BBS9: variants seen among roughly 807,000 people sequenced by gnomAD.
BBS9 encodes the protein Bardet-Biedl syndrome 9.
In BBS9, 89 loss-of-function variants were observed where a neutral mutation model predicts 117.7. The ratio of observed to expected loss-of-function variants is 0.76; its 90% CI spans 0.64 to 0.90. The LOEUF is 0.90. BBS9 is among the 40% of genes least tolerant of loss of function. BBS9 has a pLI of 0.00. For synonymous variants in BBS9, 379 were observed against 370.9 expected (o/e 1.02, Z -0.25); for missense variants, 982 against 1,042.2 (o/e 0.94, Z 0.80).
chr7:33,530,375 C>T (rs893693051), intron 20 of BBS9, among the ~76,000 whole-genome samples: 4 of 152,218 alleles, frequency 2.6e-5, no homozygotes, highest in Non-Finnish European at 4.4e-5. Context: ...AACTAAATGT[C>T]ATATCTACTT....
chr7:33,169,537 T>C (rs1480185061), intron 4 of BBS9, among the ~76,000 whole-genome samples: 2 of 150,266 alleles, frequency 1.3e-5, no homozygotes, highest in Admixed American at 6.6e-5. Context: ...ATTGTGGTTT[T>C]GATTTGCATT....
intron 20 of BBS9, among the ~76,000 whole-genome samples, chr7:33,515,795 TCA>T (rs1342625734): frequency 6.6e-6 from 1 of 152,232 alleles, no homozygotes; most frequent in Non-Finnish European, 1.5e-5. Context: ...TTTTCTTGTC[TCA>T]CATCCTGGAA....
At chr7:33,241,355 AT>A (rs1794498756) in intron 5 of BBS9, among the ~76,000 whole-genome samples, 1 of 152,122 alleles carries the variant, frequency 6.6e-6, no homozygotes, top group African/African-American at 2.4e-5. Context: ...CTTTTGAGAC[AT>A]TCTCTGTGCT....
At chr7:33,473,330 C>T (rs1313708764) in intron 19 of BBS9, among the ~76,000 whole-genome samples, 2 of 142,844 alleles carry the variant, frequency 1.4e-5, no homozygotes, top group Admixed American at 7.0e-5. Flanking sequence ...CACCCCCTCA[C>T]CCCCCCGCCC....
rs746285057 is a variant in BBS9, at chr7:33,165,873, C to T, written c.328+10171C>T. ...ACTCATTCTCCGTCAAGCTTTGTTC[C>T]GTTGCTGGCAAGGAGCTGCAATCCT... On this transcript the variant is annotated intron_variant, in intron 4 of 22. Coordinates refer to ENST00000242067, the MANE Select transcript of BBS9 (RefSeq NM_198428.3). 4.4e-4 allele frequency among the ~76,000 whole-genome samples: 67 copies of T among 152,216 alleles called. 1 individual carries two copies. Among genetic ancestry groups the T allele is most frequent in the Middle Eastern group, 3.4e-3 (1 of 294 alleles).
chr7:33,226,265 T>A (rs1469210464), intron 5 of BBS9, among the ~76,000 whole-genome samples: 3 of 152,202 alleles, frequency 2.0e-5, no homozygotes, highest in African/African-American at 7.2e-5. Flanking sequence ...CTATTAACAT[T>A]GGAGATGATT....
At chr7:33,178,778 G>GTT (rs879471511) in intron 5 of BBS9, among the ~76,000 whole-genome samples, 1 of 146,006 alleles carries the variant, frequency 6.8e-6, no homozygotes. Context: ...TGTGAACTCA[G>GTT]TTTTTTTTTT....
chr7:33,495,134 A>C (rs945661627), intron 19 of BBS9, among the ~76,000 whole-genome samples: 1 of 152,158 alleles, frequency 6.6e-6, no homozygotes, highest in Admixed American at 6.6e-5. Context: ...CAACAATTTC[A>C]CTCTATTGTG....
intron 16 of BBS9, among the ~76,000 whole-genome samples, 183 bp from the exon 17 acceptor site, chr7:33,367,583 AG>A (rs1237078995): frequency 6.6e-5 from 10 of 152,210 alleles, no homozygotes; most frequent in Admixed American, 6.5e-4. Context: ...TTTTAGTGTA[AG>A]GCAGAAATTT....
chr7:33,403,634 A>G (rs1829361447), intron 19 of BBS9, among the ~76,000 whole-genome samples: 1 of 151,804 alleles, frequency 6.6e-6, no homozygotes, highest in East Asian at 1.9e-4. Flanking sequence ...GTCCCTACAA[A>G]GGACATGAAC....
intron 19 of BBS9, among the ~76,000 whole-genome samples, chr7:33,418,536 G>A (rs529003681): frequency 1.3e-5 from 2 of 152,260 alleles, no homozygotes; most frequent in South Asian, 4.2e-4. Flanking sequence ...CAATTAGTTG[G>A]ATGAAAACAA....
In BBS9 at chr7:33,402,969, A is replaced by T. The variant is rs186822150; in HGVS notation, c.2115+14825A>T. On this transcript the variant is annotated intron_variant, in intron 19 of 22. Coordinates refer to ENST00000242067, the MANE Select transcript of BBS9 (RefSeq NM_198428.3). ...CAATATTTGGTTTTCTGTTTGTGTG[A>T]GTTAAGTATAATGGCTTCCAGCTAC... is the stretch of plus-strand genomic sequence containing the variant. Among the ~76,000 whole-genome samples the T allele has an allele frequency of 1.8e-3, 268 of 152,180 alleles. 2 individuals carry two copies. The South Asian group carries it at 0.018, about 10-fold the overall frequency.
At chr7:33,345,956 C>T (rs1817515009) in intron 12 of BBS9, among the ~76,000 whole-genome samples, 1 of 152,160 alleles carries the variant, frequency 6.6e-6, no homozygotes, top group Non-Finnish European at 1.5e-5. Flanking sequence ...AGTTCTTAAG[C>T]TTTCATGTGT....
chr7:33,316,371 C>A (rs571333849), intron 9 of BBS9, among the ~76,000 whole-genome samples: 1 of 151,966 alleles, frequency 6.6e-6, no homozygotes. Flanking sequence ...CTGTGTAAAT[C>A]TTTTTGTGGA....
At chr7:33,475,811 T>C (rs1841722409) in intron 19 of BBS9, among the ~76,000 whole-genome samples, 1 of 152,152 alleles carries the variant, frequency 6.6e-6, no homozygotes, top group Non-Finnish European at 1.5e-5. Context: ...GGAATGATTG[T>C]TGGACAGGCA....
At chr7:33,412,053 A>G (rs1175429452) in intron 19 of BBS9, among the ~76,000 whole-genome samples, 1 of 152,174 alleles carries the variant, frequency 6.6e-6, no homozygotes. Flanking sequence ...ACTAAAATGT[A>G]TTATGTGAAA....
intron 19 of BBS9, among the ~76,000 whole-genome samples, chr7:33,410,959 A>G (rs1322632882): frequency 1.4e-5 from 2 of 147,324 alleles, no homozygotes; most frequent in East Asian, 2.0e-4. Flanking sequence ...CGTCTAATAT[A>G]TATATATATA....
intron 16 of BBS9, among the ~76,000 whole-genome samples, chr7:33,359,769 A>C (rs1316109349): frequency 6.6e-5 from 10 of 152,040 alleles, no homozygotes; most frequent in Admixed American, 6.6e-4. Flanking sequence ...AACAACTTTT[A>C]CTCTACATGT....
intron 9 of BBS9, among the ~76,000 whole-genome samples, chr7:33,328,321 T>G (rs1813264135): frequency 6.6e-6 from 1 of 152,216 alleles, no homozygotes; most frequent in Non-Finnish European, 1.5e-5. Context: ...TAAAGTAAGT[T>G]TGAAGTCCTC....
Sources: allele counts gnomAD v4.1 joint callset (sites outside exome capture counted in the v4.1 genomes callset), GRCh38; gene constraint gnomAD v4.1.1; transcripts MANE v1.5; gene names NCBI Gene and HGNC (gene_info 2026-07-23, HGNC 2026-07-21).